EXOC6B: variants seen among roughly 807,000 people sequenced by gnomAD.
The protein encoded by EXOC6B is exocyst complex component 6B, also known as SEC15 homolog B.
A neutral mutation model predicts 113.5 loss-of-function variants in EXOC6B; 54 were observed. The observed-to-expected ratio is 0.48, with a 90% CI of 0.38 to 0.60. The LOEUF is 0.60. Ranked by LOEUF, EXOC6B falls within the 20% of genes least tolerant of loss-of-function variation. The pLI is 0.00. For missense variants in EXOC6B, 797 were observed against 977.5 expected (o/e 0.82, Z 2.46); for synonymous variants, 357 against 339.0 (o/e 1.05, Z -0.58).
At chr2:72,709,273 C>T (rs986918237) in intron 6 of EXOC6B, among the ~76,000 whole-genome samples, 4 of 152,060 alleles carry the variant, frequency 2.6e-5, no homozygotes, top group East Asian at 1.9e-4. Flanking sequence ...GGGGTTTTCA[C>T]GCCCAGTAAA....
intron 20 of EXOC6B, among the ~76,000 whole-genome samples, chr2:72,302,117 G>C (rs1459492254): frequency 6.6e-6 from 1 of 152,122 alleles, no homozygotes; most frequent in East Asian, 1.9e-4. Context: ...TTCAGGAGCA[G>C]GTTGTTTAAT....
chr2:72,374,156 G>A (rs758941851), intron 19 of EXOC6B, among the ~76,000 whole-genome samples: 16 of 152,114 alleles, frequency 1.1e-4, no homozygotes, highest in Non-Finnish European at 1.9e-4. Flanking sequence ...ATAAGATCCA[G>A]ATCCAGCAAT....
intron 6 of EXOC6B, among the ~76,000 whole-genome samples, chr2:72,584,238 A>C (rs1396265506): frequency 6.6e-6 from 1 of 152,010 alleles, no homozygotes; most frequent in East Asian, 1.9e-4. Flanking sequence ...AAAAGAAAAC[A>C]AGACCCTTCC....
intron 18 of EXOC6B, among the ~76,000 whole-genome samples, chr2:72,400,665 G>A (rs1489458493): frequency 4.4e-4 from 64 of 145,678 alleles, no homozygotes; most frequent in African/African-American, 1.5e-3. Context: ...AAAGACATAC[G>A]CAGCCAAAAA....
intron 8 of EXOC6B, among the ~76,000 whole-genome samples, chr2:72,544,293 A>G (rs1210642649): frequency 6.6e-6 from 1 of 152,054 alleles, no homozygotes; most frequent in African/African-American, 2.4e-5. Context: ...TGAAAATGAC[A>G]CCTATTCATT....
chr2:72,342,033 A>C lies in EXOC6B; in HGVS notation c.2123-7013T>G, dbSNP rs374079443. Among the ~76,000 whole-genome samples the C allele has an allele frequency of 5.1e-4, 78 of 152,270 alleles. No individual in the cohort carries two copies. The East Asian group carries it at 9.2e-3, about 18-fold the overall frequency. ...ATTAAAAAGGGAATAAAAATATATT[A>C]AGACAAATAAAAACAAACACAATAT... is the stretch of plus-strand genomic sequence containing the variant. On this transcript the variant is annotated intron_variant, in intron 19 of 21. Transcript: ENST00000272427.
chr2:72,759,537 A>G (rs1239538277), intron 1 of EXOC6B, among the ~76,000 whole-genome samples: 1 of 152,218 alleles, frequency 6.6e-6, no homozygotes, highest in East Asian at 1.9e-4. Context: ...CTTTTGGGAC[A>G]ATGACTTTGC....
At chr2:72,666,824 A>G (rs4295040) in intron 6 of EXOC6B, among the ~76,000 whole-genome samples, 214 of 135,246 alleles carry the variant, frequency 1.6e-3, no homozygotes, top group Non-Finnish European at 2.9e-3. Flanking sequence ...CACACACACA[A>G]AGAAATGCCT....
chr2:72,182,100 G>A (rs1440025121), intron 21 of EXOC6B, among the ~76,000 whole-genome samples: 3 of 152,178 alleles, frequency 2.0e-5, no homozygotes, highest in Non-Finnish European at 4.4e-5. Flanking sequence ...CTATGAGGCT[G>A]GGAGATACGG....
At chr2:72,299,650 T>C (rs1258370477) in intron 20 of EXOC6B, among the ~76,000 whole-genome samples, 1 of 152,174 alleles carries the variant, frequency 6.6e-6, no homozygotes, top group African/African-American at 2.4e-5. Context: ...CTTTTTGCGC[T>C]GGTTTCTCCC....
chr2:72,586,549 G>A (rs372857259), intron 6 of EXOC6B, among the ~76,000 whole-genome samples: 7 of 151,940 alleles, frequency 4.6e-5, no homozygotes, highest in East Asian at 3.9e-4. Context: ...TCAAGAGGTC[G>A]AGACCATCCT....
At chr2:72,287,289 G>A (rs764938666) in intron 20 of EXOC6B, among the ~76,000 whole-genome samples, 2 of 151,560 alleles carry the variant, frequency 1.3e-5, no homozygotes, top group Non-Finnish European at 2.9e-5. Flanking sequence ...AAATTAGCCG[G>A]GCGTGGTGTC....
chr2:72,551,924 A>C (rs1397962300), intron 8 of EXOC6B, among the ~76,000 whole-genome samples: 1 of 152,266 alleles, frequency 6.6e-6, no homozygotes, highest in Non-Finnish European at 1.5e-5. Flanking sequence ...AGCATAAGGC[A>C]TTAACTTTTA....
intron 5 of EXOC6B, among the ~76,000 whole-genome samples, chr2:72,730,611 C>CACACACAT (rs1680579398): frequency 1.3e-5 from 2 of 151,654 alleles, no homozygotes; most frequent in Admixed American, 6.6e-5. Flanking sequence ...CACACACACA[C>CACACACAT]ACACACACAC....
At chr2:72,771,218 T>C (rs942736385) in intron 1 of EXOC6B, among the ~76,000 whole-genome samples, 2 of 152,246 alleles carry the variant, frequency 1.3e-5, no homozygotes, top group African/African-American at 4.8e-5. Flanking sequence ...GCTTCTAAGA[T>C]ATTCATTATA....
intron 18 of EXOC6B, among the ~76,000 whole-genome samples, chr2:72,437,810 A>G (rs1695964779): frequency 1.3e-5 from 2 of 152,324 alleles, no homozygotes; most frequent in Admixed American, 1.3e-4. Context: ...GTGCTCTTAC[A>G]TAGGTCTTTA....
chr2:72,620,836 G>A (rs1181115498), intron 6 of EXOC6B, among the ~76,000 whole-genome samples: 1 of 152,008 alleles, frequency 6.6e-6, no homozygotes, highest in East Asian at 1.9e-4. Flanking sequence ...TTAAAAATGG[G>A]TGAAGGATAT....
chr2:72,635,040 C>G (rs1182222116), intron 6 of EXOC6B, among the ~76,000 whole-genome samples: 1 of 151,048 alleles, frequency 6.6e-6, no homozygotes, highest in Non-Finnish European at 1.5e-5. Flanking sequence ...ATAAACCAAA[C>G]CAAAATTAGT....
chr2:72,280,373 A>C (rs10168145), intron 20 of EXOC6B, among the ~76,000 whole-genome samples: 55,316 of 151,874 alleles, frequency 0.36, 12,992 homozygotes, highest in African/African-American at 0.67. Flanking sequence ...GAAAATGTCA[A>C]GATAACACAG....
Sources: gnomAD v4.1 joint callset for allele counts (sites outside exome capture counted in the v4.1 genomes callset) on GRCh38, gnomAD v4.1.1 for gene constraint, MANE v1.5 for transcripts, NCBI Gene and HGNC (gene_info 2026-07-23, HGNC 2026-07-21) for gene names.